Variants in SAMD5 observed in about 807,000 individuals in gnomAD.
The protein encoded by SAMD5 is sterile alpha motif domain containing 5, also known as sterile alpha motif domain-containing protein 5.
Under a neutral mutation model 11.3 loss-of-function variants are expected in SAMD5, and 13 were observed. The observed-to-expected ratio is 1.15, with a 90% CI of 0.75 to 1.83. The LOEUF (loss-of-function observed/expected upper bound fraction) is 1.83, where lower values mean the gene tolerates loss of function less well. Ranked by LOEUF, SAMD5 falls within the 40% of genes most tolerant of loss-of-function variation. The pLI is 0.00. For synonymous variants in SAMD5, 129 were observed against 111.3 expected, an observed-to-expected ratio of 1.16 and a Z score of -1.00; for missense variants, 255 against 239.1, an observed-to-expected ratio of 1.07 and a Z score of -0.44.
At chr6:147,610,409 C>T (rs1562332744) in intron 1 of SAMD5, among the ~76,000 whole-genome samples, 2 of 152,120 alleles carry the variant, frequency 1.3e-5, no homozygotes, top group African/African-American at 4.8e-5. Context: ...CCATGCCAGG[C>T]GACGTTGTAT....
intron 1 of SAMD5, among the ~76,000 whole-genome samples, chr6:147,713,503 C>G (rs1246220794): frequency 6.6e-6 from 1 of 152,118 alleles, no homozygotes; most frequent in Non-Finnish European, 1.5e-5. Context: ...GAATTGCAAG[C>G]AAGCGGCAGC....
At chr6:147,727,689 G>A (rs1214789270) in intron 1 of SAMD5, among the ~76,000 whole-genome samples, 2 of 151,330 alleles carry the variant, frequency 1.3e-5, no homozygotes, top group East Asian at 3.9e-4. Context: ...CCCCAGATTG[G>A]TCTGCTGAAG....
intron 1 of SAMD5, among the ~76,000 whole-genome samples, chr6:147,611,951 A>T (rs1215958343): frequency 2.0e-5 from 3 of 152,224 alleles, no homozygotes; most frequent in Admixed American, 2.0e-4. Flanking sequence ...TGAGCACAAC[A>T]GCTGTAGGTA....
chr6:147,670,805 G>A (rs1790784443), intron 1 of SAMD5, among the ~76,000 whole-genome samples: 1 of 152,182 alleles, frequency 6.6e-6, no homozygotes, highest in Non-Finnish European at 1.5e-5. Context: ...CTCCATATCA[G>A]CAATAAGGCT....
intron 1 of SAMD5, among the ~76,000 whole-genome samples, chr6:147,720,705 TTTA>T (rs200274725): frequency 0.022 from 3,385 of 152,124 alleles, 138 homozygotes; most frequent in African/African-American, 0.076. Context: ...TATATTTTAT[TTTA>T]TTATTATACT....
At chr6:147,921,274 AACACACACAC>A in the SAMD5 span, among the ~76,000 whole-genome samples, 63 of 141,076 alleles carry the variant, frequency 4.5e-4, no homozygotes, top group Admixed American at 1.0e-3. Context: ...GAGAGTATAA[AACACACACAC>A]ACACACACAC....
the SAMD5 span, among the ~76,000 whole-genome samples, chr6:147,796,215 C>A: frequency 2.6e-5 from 4 of 151,276 alleles, no homozygotes; most frequent in Non-Finnish European, 5.9e-5. Context: ...ACGTTTAAGT[C>A]TTTAATCCAT....
the SAMD5 span, among the ~76,000 whole-genome samples, chr6:147,907,096 GCCT>G: frequency 6.6e-6 from 1 of 152,166 alleles, no homozygotes; most frequent in African/African-American, 2.4e-5. Context: ...AATGCAGAGG[GCCT>G]CCTCTGAAGC....
chr6:147,834,693 T>A, the SAMD5 span, among the ~76,000 whole-genome samples: 1,862 of 152,304 alleles, frequency 0.012, 38 homozygotes, highest in African/African-American at 0.043. Flanking sequence ...ATGGCCAGAC[T>A]TAGACAATAC....
chr6:147,761,796 C>A, the SAMD5 span, among the ~76,000 whole-genome samples: 1 of 152,200 alleles, frequency 6.6e-6, no homozygotes, highest in Non-Finnish European at 1.5e-5. Context: ...TCACTGCAAT[C>A]TCTGCCTCCA....
intron 1 of SAMD5, among the ~76,000 whole-genome samples, chr6:147,579,431 G>A (rs747574943): frequency 3.4e-4 from 51 of 150,446 alleles, no homozygotes; most frequent in African/African-American, 1.1e-3. Flanking sequence ...ATATGCCTGC[G>A]ATAGTTTGGA....
intron 1 of SAMD5, among the ~76,000 whole-genome samples, chr6:147,736,081 G>C (rs1791799228): frequency 1.3e-5 from 2 of 152,148 alleles, no homozygotes; most frequent in Admixed American, 1.3e-4. Flanking sequence ...CTGGAGGCAG[G>C]TTGGCTGTCT....
intron 1 of SAMD5, among the ~76,000 whole-genome samples, chr6:147,677,530 C>A (rs1790879939): frequency 6.6e-6 from 1 of 152,054 alleles, no homozygotes; most frequent in South Asian, 2.1e-4. Context: ...TGATCTGTAT[C>A]TAACAGAGAG....
the SAMD5 span, among the ~76,000 whole-genome samples, chr6:147,916,344 G>A: frequency 2.0e-5 from 3 of 152,050 alleles, no homozygotes; most frequent in Admixed American, 1.3e-4. Context: ...TTCCACAATG[G>A]TTGAACTAGT....
chr6:147,894,368 T>C, the SAMD5 span, among the ~76,000 whole-genome samples: 60 of 152,234 alleles, frequency 3.9e-4, 3 homozygotes, highest in South Asian at 0.011. Flanking sequence ...GTGATCCGCC[T>C]GCATCGGCCT....
At chr6:147,764,165 TA>T in the SAMD5 span, among the ~76,000 whole-genome samples, 1 of 152,204 alleles carries the variant, frequency 6.6e-6, no homozygotes, top group Non-Finnish European at 1.5e-5. Flanking sequence ...TGTTAACTAG[TA>T]TTTATGGGTG....
At chr6:147,760,328 A>G in the SAMD5 span, among the ~76,000 whole-genome samples, 1 of 152,162 alleles carries the variant, frequency 6.6e-6, no homozygotes, top group Non-Finnish European at 1.5e-5. Flanking sequence ...AGCACAGCAT[A>G]ATTAAAATTG....
At chr6:147,937,684 A>G in the SAMD5 span, among the ~76,000 whole-genome samples, 4 of 152,238 alleles carry the variant, frequency 2.6e-5, no homozygotes, top group Non-Finnish European at 4.4e-5. Context: ...GGAAAGTATC[A>G]AGGAAAATTC....
At chr6:147,648,362 A>G (rs951349654) in intron 1 of SAMD5, among the ~76,000 whole-genome samples, 15 of 152,216 alleles carry the variant, frequency 9.9e-5, no homozygotes, top group African/African-American at 3.4e-4. Flanking sequence ...TCATGAGAAC[A>G]GCATGTGGGA....
Sources: gnomAD v4.1 joint callset for allele counts (sites outside exome capture counted in the v4.1 genomes callset) on GRCh38, gnomAD v4.1.1 for gene constraint, MANE v1.5 for transcripts, NCBI Gene and HGNC (gene_info 2026-07-23, HGNC 2026-07-21) for gene names.